EXT1: variants seen among roughly 807,000 people sequenced by gnomAD.
EXT1 encodes the protein exostosin-1.
A neutral mutation model predicts 82.5 loss-of-function variants in EXT1; 20 were observed. The ratio of observed to expected loss-of-function variants is 0.24; its 90% CI spans 0.17 to 0.35. EXT1 has a LOEUF of 0.35. Ranked by LOEUF, EXT1 falls within the 10% of genes least tolerant of loss-of-function variation. The pLI is 1.00. For synonymous variants in EXT1, 348 were observed against 350.8 expected (o/e 0.99, Z 0.09); for missense variants, 757 against 936.5 (o/e 0.81, Z 2.50).
intron 1 of EXT1, among the ~76,000 whole-genome samples, chr8:118,092,686 G>A (rs988211623): frequency 5.3e-5 from 8 of 152,160 alleles, no homozygotes; most frequent in Non-Finnish European, 1.0e-4. Flanking sequence ...CGCACGTGTT[G>A]GAAATCAACT....
intron 1 of EXT1, among the ~76,000 whole-genome samples, chr8:117,941,277 T>C (rs17475918): frequency 0.057 from 8,709 of 152,180 alleles, 864 homozygotes; most frequent in African/African-American, 0.2. Context: ...CATGGTAAGA[T>C]GTTCAGATCT....
chr8:117,933,022 C>T (rs1686624519), intron 1 of EXT1, among the ~76,000 whole-genome samples: 1 of 152,116 alleles, frequency 6.6e-6, no homozygotes, highest in African/African-American at 2.4e-5. Context: ...AAAGCTCTCA[C>T]CTGTCTCAGG....
chr8:117,985,052 G>C (rs1424954211), intron 1 of EXT1, among the ~76,000 whole-genome samples: 1 of 152,124 alleles, frequency 6.6e-6, no homozygotes, highest in Non-Finnish European at 1.5e-5. Flanking sequence ...GGCTGCTTAA[G>C]AGAAAGAGTT....
At chr8:117,870,349 T>C (rs562856022) in intron 1 of EXT1, among the ~76,000 whole-genome samples, 2 of 149,850 alleles carry the variant, frequency 1.3e-5, no homozygotes, top group South Asian at 4.3e-4. Context: ...CATCTGAGAA[T>C]TGTTATGTCT....
chr8:117,898,807 T>C (rs1813390225), intron 1 of EXT1, among the ~76,000 whole-genome samples: 1 of 150,428 alleles, frequency 6.6e-6, no homozygotes, highest in Admixed American at 6.6e-5. Context: ...CATTACCTAC[T>C]AAACCCAGAC....
rs544359270 is a variant in EXT1 at position 118,034,402 on chromosome 8, T to C, written c.962+75683A>G. Among the ~76,000 whole-genome samples the C allele has an allele frequency of 2.0e-5, 3 of 152,288 alleles. No homozygotes were observed. In the South Asian group the frequency reaches 6.2e-4, roughly 32 times the overall value. On this transcript the variant is annotated intron_variant, in intron 1 of 10. Coordinates refer to ENST00000378204, the MANE Select transcript of EXT1 (RefSeq NM_000127.3). ...TCCAGCCACCTTAAGACAACGTTTC[T>C]GCAACCTGTACAGAATCTAATGTCT...
At chr8:117,973,800 AGAAAGGAAAGGAAAG>A (rs1211158489) in intron 1 of EXT1, among the ~76,000 whole-genome samples, 454 of 43,352 alleles carry the variant, frequency 0.01, 9 homozygotes, top group South Asian at 0.022. Context: ...AAAAGAAAAG[AGAAAGGAAAGGAAAG>A]GAAAGGAAAG....
chr8:118,039,937 TC>T (rs1351198720), intron 1 of EXT1, among the ~76,000 whole-genome samples: 18 of 152,194 alleles, frequency 1.2e-4, no homozygotes, highest in Admixed American at 1.2e-3. Flanking sequence ...GAATTTTCAT[TC>T]TGAAGTGTGG....
intron 1 of EXT1, among the ~76,000 whole-genome samples, chr8:117,927,643 A>C (rs943403295): frequency 6.6e-6 from 1 of 152,236 alleles, no homozygotes; most frequent in Non-Finnish European, 1.5e-5. Context: ...ACACATTGTG[A>C]GACAGTAACA....
At chr8:118,040,084 A>G (rs1586358549) in intron 1 of EXT1, among the ~76,000 whole-genome samples, 1 of 152,056 alleles carries the variant, frequency 6.6e-6, no homozygotes, top group Admixed American at 6.5e-5. Flanking sequence ...CCAGTGTTTG[A>G]CCTCTGGAAC....
At chr8:118,014,764 G>A (rs1021209462) in intron 1 of EXT1, among the ~76,000 whole-genome samples, 4 of 151,990 alleles carry the variant, frequency 2.6e-5, no homozygotes, top group Non-Finnish European at 2.9e-5. Context: ...CAAACTCCTC[G>A]TGTGGTTCTT....
intron 1 of EXT1, among the ~76,000 whole-genome samples, chr8:118,029,615 G>T (rs915205911): frequency 1.1e-4 from 17 of 152,090 alleles, no homozygotes; most frequent in Non-Finnish European, 1.2e-4. Context: ...ACAGGTCAGG[G>T]TCTTATAGTG....
intron 1 of EXT1, among the ~76,000 whole-genome samples, chr8:118,049,435 C>A (rs548532367): frequency 6.6e-6 from 1 of 151,992 alleles, no homozygotes; most frequent in African/African-American, 2.4e-5. Flanking sequence ...CCCACAGAAC[C>A]CAGAATTTGT....
chr8:118,013,201 TTTG>T (rs899380061), intron 1 of EXT1, among the ~76,000 whole-genome samples: 10 of 151,956 alleles, frequency 6.6e-5, no homozygotes, highest in African/African-American at 1.9e-4. Flanking sequence ...ACCTGGCTAC[TTTG>T]TTGTTGTTGT....
chr8:117,964,645 GTTTGTTTGTTT>G (rs1281418786), intron 1 of EXT1, among the ~76,000 whole-genome samples: 3 of 151,826 alleles, frequency 2.0e-5, no homozygotes, highest in African/African-American at 2.4e-5. Context: ...TTGTTTGTTT[GTTTGTTTGTTT>G]TTTGTTTTTT....
chr8:117,818,382 G>C (rs923904227), intron 7 of EXT1, 53 bp downstream of exon 7: 1 of 1,493,260 alleles, frequency 6.7e-7, no homozygotes, highest in African/African-American at 1.4e-5. Context: ...GTGCCCCATG[G>C]AGAAACCAAG....
rs183133026 is a variant in EXT1, at chr8:117,887,983, G to A, written c.963-50782C>T. ...GCCTGTAATCCCAGCTACTCGGGAG[G>A]CTGAGGCAGGATAATTGCTTGAACC... On this transcript the variant is annotated intron_variant, in intron 1 of 10. Coordinates refer to ENST00000378204, the MANE Select transcript of EXT1 (RefSeq NM_000127.3). Among the ~76,000 whole-genome samples the A allele has an allele frequency of 6.4e-3, 974 of 151,922 alleles. 16 individuals are homozygous for A. Among genetic ancestry groups the A allele is most frequent in the African/African-American group, 0.022 (929 of 41,442 alleles).
chr8:117,814,789 G>A (rs1162409336), intron 7 of EXT1, among the ~76,000 whole-genome samples: 2 of 152,094 alleles, frequency 1.3e-5, no homozygotes, highest in Admixed American at 1.3e-4. Context: ...AGAGGAAAAG[G>A]GAGGTACCTA....
At chr8:118,065,097 C>T (rs1409991135) in intron 1 of EXT1, among the ~76,000 whole-genome samples, 1 of 152,060 alleles carries the variant, frequency 6.6e-6, no homozygotes, top group Non-Finnish European at 1.5e-5. Context: ...AGGTGATCCA[C>T]CCGCCTCAGC....
Sources: gnomAD v4.1 joint callset for allele counts (sites outside exome capture counted in the v4.1 genomes callset) on GRCh38, gnomAD v4.1.1 for gene constraint, MANE v1.5 for transcripts, NCBI Gene and HGNC (gene_info 2026-07-23, HGNC 2026-07-21) for gene names.